The following DIAPH2 variants were observed in gnomAD, a reference collection of about 807,000 sequenced individuals.
DIAPH2 encodes diaphanous related formin 2.
DIAPH2 carries 35 observed loss-of-function variants against 92.7 expected under a neutral mutation model. The observed-to-expected ratio is 0.38, with a 90% CI of 0.29 to 0.50. The LOEUF is 0.50. DIAPH2 is among the 20% of genes least tolerant of loss of function. DIAPH2 has a pLI of 0.94. For missense variants in DIAPH2, 701 were observed against 819.5 expected (o/e 0.86, Z 1.77); for synonymous variants, 301 against 280.4 (o/e 1.07, Z -0.73).
At chrX:97,164,701 CT>C (rs1052264405) in intron 22 of DIAPH2, among the ~76,000 whole-genome samples, 1 of 112,173 alleles carries the variant, frequency 8.9e-6, no homozygotes, top group East Asian at 2.8e-4. Flanking sequence ...CTTATTGCTA[CT>C]TTTTTTGGTG....
chrX:97,497,662 G>A (rs748661055), intron 26 of DIAPH2, among the ~76,000 whole-genome samples: 5 of 110,124 alleles, frequency 4.5e-5, no homozygotes, highest in East Asian at 2.9e-4. Flanking sequence ...AAAAATTAGC[G>A]AGGTATATTG....
intron 20 of DIAPH2, among the ~76,000 whole-genome samples, chrX:97,111,347 C>T (rs1934446684): frequency 8.9e-6 from 1 of 111,898 alleles, no homozygotes; most frequent in South Asian, 3.7e-4. Context: ...TGCTGCTAAG[C>T]TACACCTACC....
intron 5 of DIAPH2, chrX:96,885,285 T>C (rs931679096): frequency 6.9e-5 from 29 of 422,008 alleles, no homozygotes; most frequent in South Asian, 1.8e-4. Context: ...AGAGAGACGG[T>C]GATGGATAAA....
At chrX:97,338,576 G>A (rs191428892) in intron 23 of DIAPH2, among the ~76,000 whole-genome samples, 1 of 112,234 alleles carries the variant, frequency 8.9e-6, no homozygotes, top group Admixed American at 9.5e-5. Flanking sequence ...ACTAAAGCTT[G>A]TGTGAAGGTT....
intron 17 of DIAPH2, among the ~76,000 whole-genome samples, chrX:97,060,452 C>G (rs1254245929): frequency 9.1e-6 from 1 of 109,710 alleles, no homozygotes; most frequent in African/African-American, 3.3e-5. Flanking sequence ...TCATTCTATT[C>G]TTTATGAGAT....
At chrX:96,740,981 G>C (rs775851554) in intron 3 of DIAPH2, among the ~76,000 whole-genome samples, 1 of 110,225 alleles carries the variant, frequency 9.1e-6, no homozygotes, top group Non-Finnish European at 1.9e-5. Flanking sequence ...CTTAATTTAC[G>C]AGTAAATTGA....
chrX:97,337,162 C>A (rs1331774536), intron 23 of DIAPH2, among the ~76,000 whole-genome samples: 1 of 106,061 alleles, frequency 9.4e-6, no homozygotes, highest in Admixed American at 1.0e-4. Flanking sequence ...AAGATCTACT[C>A]TTTAGGTAGT....
chrX:96,929,892 T>G (rs1224977657), intron 9 of DIAPH2, among the ~76,000 whole-genome samples: 1 of 110,854 alleles, frequency 9.0e-6, no homozygotes, highest in Non-Finnish European at 1.9e-5. Flanking sequence ...AGCAGCATTT[T>G]CCAAAAATGC....
At chrX:96,879,033 T>C (rs911655077) in intron 4 of DIAPH2, among the ~76,000 whole-genome samples, 1 of 112,096 alleles carries the variant, frequency 8.9e-6, no homozygotes. Flanking sequence ...TCAGGAAATA[T>C]GTATTGAATG....
At chrX:97,320,072 C>A (rs1361176111) in intron 23 of DIAPH2, among the ~76,000 whole-genome samples, 1 of 104,068 alleles carries the variant, frequency 9.6e-6, no homozygotes, top group African/African-American at 3.5e-5. Context: ...TGCACTCCAG[C>A]CTGGGTGACA....
intron 22 of DIAPH2, among the ~76,000 whole-genome samples, chrX:97,212,407 G>A (rs1443388136): frequency 9.0e-6 from 1 of 110,499 alleles, no homozygotes; most frequent in Admixed American, 9.7e-5. Context: ...AGAACCTTTC[G>A]GTTTGTGTTT....
chrX:96,964,232 A>G (rs5920625), intron 16 of DIAPH2, among the ~76,000 whole-genome samples: 54,329 of 110,282 alleles, frequency 0.49, 9,917 homozygotes, highest in South Asian at 0.61. Context: ...AATCTTATGC[A>G]TATATTTATG....
rs1569436711 is a variant in DIAPH2 at position 96,962,466 on chromosome X, T to TAC, written c.1936-2625_1936-2624dup. Among the ~76,000 whole-genome samples, 4 of 48,244 alleles carry TAC rather than the reference T, an allele frequency of 8.3e-5. 1 individual carries two copies. Among genetic ancestry groups the TAC allele is most frequent in the African/African-American group, 3.3e-4 (4 of 12,026 alleles). 41.9% of individuals were successfully genotyped at this position (48,244 alleles called of 115,157 possible). A position where few individuals can be genotyped will look rare whatever the true frequency, so the allele number is the denominator to read the frequency against. On this transcript the variant is annotated intron_variant, in intron 16 of 26. Transcript: ENST00000324765. ...ACATATATACACACACATATATATA[T>TAC]ACATATATATATACACACACACACA...
intron 19 of DIAPH2, among the ~76,000 whole-genome samples, chrX:97,097,690 A>G (rs992085285): frequency 8.9e-6 from 1 of 112,016 alleles, no homozygotes; most frequent in Non-Finnish European, 1.9e-5. Flanking sequence ...GATTATCTTA[A>G]TCTTTCTAAT....
intron 23 of DIAPH2, among the ~76,000 whole-genome samples, chrX:97,339,966 T>C (rs1010837299): frequency 1.8e-5 from 2 of 112,056 alleles, no homozygotes; most frequent in Admixed American, 9.5e-5. Flanking sequence ...GAAGGTCCAT[T>C]GTTTTCCCAG....
intron 17 of DIAPH2, among the ~76,000 whole-genome samples, chrX:97,040,373 T>C (rs1228857945): frequency 1.8e-5 from 2 of 111,040 alleles, no homozygotes; most frequent in Non-Finnish European, 3.8e-5. Flanking sequence ...TATAGAACTG[T>C]AGCTAACATC....
At chrX:97,092,682 A>G (rs1468017167) in intron 19 of DIAPH2, among the ~76,000 whole-genome samples, 1 of 111,730 alleles carries the variant, frequency 9.0e-6, no homozygotes, top group African/African-American at 3.3e-5. Flanking sequence ...AACTAATTGA[A>G]GTGATTTATT....
intron 4 of DIAPH2, among the ~76,000 whole-genome samples, chrX:96,830,919 G>T (rs1030376927): frequency 9.0e-6 from 1 of 111,460 alleles, no homozygotes; most frequent in Admixed American, 9.6e-5. Context: ...AGCAGTTCCA[G>T]TTCTTGGCAC....
chrX:97,275,637 A>G (rs1471155945), intron 23 of DIAPH2, among the ~76,000 whole-genome samples: 2 of 104,931 alleles, frequency 1.9e-5, no homozygotes, highest in Non-Finnish European at 3.9e-5. Context: ...CACCTCCCAA[A>G]CGGGGTTGCG....
Sources: allele counts gnomAD v4.1 joint callset (sites outside exome capture counted in the v4.1 genomes callset), GRCh38; gene constraint gnomAD v4.1.1; transcripts MANE v1.5; gene names NCBI Gene and HGNC (gene_info 2026-07-23, HGNC 2026-07-21).